The following DIAPH1 variants were observed in gnomAD, a reference collection of about 807,000 sequenced individuals.
DIAPH1 encodes the protein diaphanous related formin 1.
Under a neutral mutation model 140.7 loss-of-function variants are expected in DIAPH1, and 46 were observed. That is an observed-to-expected ratio of 0.33 (90% CI 0.26 to 0.42). The LOEUF is 0.42. DIAPH1 is among the 10% of genes least tolerant of loss of function. The pLI, the probability that DIAPH1 is intolerant of heterozygous loss-of-function variation, is 1.00. For missense variants in DIAPH1, 1,310 were observed against 1,558.7 expected, an observed-to-expected ratio of 0.84 and a Z score of 2.69; for synonymous variants, 565 against 551.6, an observed-to-expected ratio of 1.02 and a Z score of -0.34.
At chr5:141,606,475 A>C (rs2099900982) in intron 1 of DIAPH1, among the ~76,000 whole-genome samples, 1 of 152,068 alleles carries the variant, frequency 6.6e-6, no homozygotes, top group African/African-American at 2.4e-5. Flanking sequence ...ACTCACAGCA[A>C]CCTCCACCTC....
chr5:141,573,583 C>G lies in DIAPH1; in HGVS notation c.2267G>C (p.Gly756Ala), dbSNP rs1423322662. 1 of 1,613,870 alleles carries G rather than the reference C, an allele frequency of 6.2e-7. No individual in the cohort carries two copies. The highest frequency in any genetic ancestry group is 1.3e-5 in the African/African-American group (1 of 74,846). The change falls in exon 16 of 28, where the codon GGA (glycine) becomes GCA (alanine). Residue 756 changes from glycine (G) to alanine (A), a missense_variant. Around this residue, in one of 3 missense-constraint regions of DIAPH1, gnomAD observed 589 missense variants for 549.3 expected, o/e 1.07. Transcript: ENST00000389054. ...GMPPPPPFGF[G>A]VPAAPVLPFG... ...TGGCAGAACTGGGGCTGCAGGAACT[C>G]CAAATCCAAATGGGGGAGGTGGAGG...
intron 18 of DIAPH1, among the ~76,000 whole-genome samples, chr5:141,542,160 G>A (rs779915461): frequency 7.6e-4 from 116 of 152,160 alleles, no homozygotes; most frequent in Non-Finnish European, 1.5e-3. Context: ...TCCACCAGGC[G>A]CAGTGGCTCA....
chr5:141,527,507 T>C, intron 24 of DIAPH1, 66 bp downstream of exon 24: 3 of 1,571,130 alleles, frequency 1.9e-6, no homozygotes, highest in Non-Finnish European at 2.6e-6. Flanking sequence ...ATCCTGTTTT[T>C]CCCCCACTAC....
chr5:141,564,200 C>T (rs1457123223), intron 18 of DIAPH1: 5 of 152,224 alleles, frequency 3.3e-5, no homozygotes, highest in Non-Finnish European at 7.3e-5. Context: ...GGACAAGATC[C>T]TTTTGTAAAA....
chr5:141,578,664 T>A, intron 9 of DIAPH1, 39 bp from the exon 10 acceptor site: 1 of 1,454,112 alleles, frequency 6.9e-7, no homozygotes, highest in South Asian at 1.1e-5. Flanking sequence ...CAATGCTAAC[T>A]CCTGGAGATC....
chr5:141,582,854 C>G (rs1288693023), intron 6 of DIAPH1, among the ~76,000 whole-genome samples: 1 of 152,214 alleles, frequency 6.6e-6, no homozygotes, highest in Non-Finnish European at 1.5e-5. Context: ...TGTCACAATA[C>G]TAGTCCCAAG....
rs2099885765 is a variant in DIAPH1 at position 141,516,850 on chromosome 5, A to G, written c.*1T>C. The G allele has an allele frequency of 6.2e-7, 1 of 1,614,098 alleles. No individual in the cohort carries two copies. Among genetic ancestry groups the G allele is most frequent in the Non-Finnish European group, 8.5e-7 (1 of 1,180,018 alleles). On this transcript the variant is annotated 3_prime_UTR_variant, in exon 28 of 28. Transcript: ENST00000389054. Reference sequence around the variant, plus strand: ...GAGCTGCCGCGGTCACAGGACCCACATTAGCTTGCACGGCCAACCAACTCC... The same window carrying G: ...GAGCTGCCGCGGTCACAGGACCCACGTTAGCTTGCACGGCCAACCAACTCC...
intron 18 of DIAPH1, among the ~76,000 whole-genome samples, chr5:141,557,116 G>A (rs1450754302): frequency 6.6e-6 from 1 of 152,144 alleles, no homozygotes; most frequent in African/African-American, 2.4e-5. Flanking sequence ...ATTTGGCTCT[G>A]ATTCAAATGA....
At chr5:141,613,128 C>T (rs185037684) in intron 1 of DIAPH1, among the ~76,000 whole-genome samples, 51 of 152,280 alleles carry the variant, frequency 3.3e-4, no homozygotes, top group Middle Eastern at 3.4e-3. Flanking sequence ...CAGTCATATC[C>T]ACCACCAAGG....
At chr5:141,584,401 T>C (rs1238862135) in intron 3 of DIAPH1, among the ~76,000 whole-genome samples, 176 bp from the exon 4 acceptor site, 2 of 152,212 alleles carry the variant, frequency 1.3e-5, no homozygotes, top group Non-Finnish European at 2.9e-5. Flanking sequence ...TCCTCAAAGA[T>C]AAGTATAGTT....
intron 18 of DIAPH1, among the ~76,000 whole-genome samples, chr5:141,536,728 G>C (rs920182445): frequency 5.9e-5 from 9 of 152,216 alleles, no homozygotes; most frequent in Middle Eastern, 3.4e-3. Flanking sequence ...AGCATTCCAG[G>C]CAGAGGCAAT....
At position 141,546,894 on chromosome 5, in the gene DIAPH1, G is replaced by A. The variant is rs568751464; in HGVS notation, c.2483-12461C>T. ...CTATTATCTGTCTAGAGAGGAAAGT[G>A]TGACTTCTCTTTTCAGAGAAAAGTA... On this transcript the variant is annotated intron_variant, in intron 18 of 27. Transcript: ENST00000389054. Among the ~76,000 whole-genome samples, 5 of 152,204 alleles carry A rather than the reference G, an allele frequency of 3.3e-5. No homozygotes were observed. The South Asian group carries it at 1.0e-3, about 31-fold the overall frequency.
intron 18 of DIAPH1, among the ~76,000 whole-genome samples, chr5:141,546,569 T>C (rs977550181): frequency 2.6e-5 from 4 of 151,506 alleles, no homozygotes; most frequent in Admixed American, 6.6e-5. Flanking sequence ...AGCAGGAGAA[T>C]TGATTGAACC....
At chr5:141,553,128 C>G (rs2099891998) in intron 18 of DIAPH1, among the ~76,000 whole-genome samples, 2 of 152,016 alleles carry the variant, frequency 1.3e-5, no homozygotes, top group Admixed American at 1.3e-4. Context: ...CCTGTCTCTA[C>G]TAAAGATACA....
intron 18 of DIAPH1, among the ~76,000 whole-genome samples, chr5:141,557,162 G>A (rs564798281): frequency 6.6e-6 from 1 of 152,122 alleles, no homozygotes; most frequent in East Asian, 1.9e-4. Flanking sequence ...AGATAATTTG[G>A]GAAATTTAAT....
intron 18 of DIAPH1, among the ~76,000 whole-genome samples, chr5:141,541,684 C>CAAAAAAAAAAAAA: frequency 9.6e-6 from 1 of 104,182 alleles, no homozygotes; most frequent in Non-Finnish European, 2.0e-5. Flanking sequence ...GATTCTGTCT[C>CAAAAAAAAAAAAA]AAAAAAAAAA....
chr5:141,597,300 C>G (rs995093562), intron 1 of DIAPH1, among the ~76,000 whole-genome samples: 4 of 152,114 alleles, frequency 2.6e-5, no homozygotes, highest in Admixed American at 6.6e-5. Context: ...ACAAAGGAAT[C>G]AGAGCAGTTC....
chr5:141,604,278 A>G (rs1204952114), intron 1 of DIAPH1, among the ~76,000 whole-genome samples: 1 of 152,240 alleles, frequency 6.6e-6, no homozygotes, highest in Non-Finnish European at 1.5e-5. Flanking sequence ...TTTTGAATAC[A>G]TATACAGGAA....
At position 141,579,935 on chromosome 5, in the gene DIAPH1, G is replaced by A. The variant is rs188931213; in HGVS notation, c.825-739C>T. ...TGCACTCCAGCCTGGGGAACAGAGCGAGCCTCCGTCTCAAAAAAAAAAAAG... is the reference window on the plus strand; with the variant it reads ...TGCACTCCAGCCTGGGGAACAGAGCAAGCCTCCGTCTCAAAAAAAAAAAAG... On this transcript the variant is annotated intron_variant, in intron 8 of 27. Coordinates refer to ENST00000389054, the MANE Select transcript of DIAPH1 (RefSeq NM_005219.5). Among the ~76,000 whole-genome samples the A allele has an allele frequency of 1.7e-4, 25 of 149,086 alleles. No individual in the cohort carries two copies. The East Asian group carries it at 2.6e-3, about 15-fold the overall frequency.
Sources: allele counts gnomAD v4.1 joint callset (sites outside exome capture counted in the v4.1 genomes callset), GRCh38; gene constraint gnomAD v4.1.1; regional missense constraint gnomAD v4.1.1; transcripts MANE v1.5; gene names NCBI Gene and HGNC (gene_info 2026-07-23, HGNC 2026-07-21).